Variants in PLEKHA2 observed in about 807,000 individuals in gnomAD.
The protein encoded by PLEKHA2 is pleckstrin homology domain containing A2, also known as pleckstrin homology domain-containing family A member 2.
A neutral mutation model predicts 53.2 loss-of-function variants in PLEKHA2; 28 were observed. The observed-to-expected ratio is 0.53, with a 90% CI of 0.39 to 0.72. The LOEUF is 0.72. Ranked by LOEUF, PLEKHA2 falls within the 30% of genes least tolerant of loss-of-function variation. The pLI, the probability that PLEKHA2 is intolerant of heterozygous loss-of-function variation, is 0.00. For missense variants in PLEKHA2, 426 were observed against 537.9 expected, an observed-to-expected ratio of 0.79 and a Z score of 2.06; for synonymous variants, 193 against 196.4, an observed-to-expected ratio of 0.98 and a Z score of 0.14.
intron 6 of PLEKHA2, among the ~76,000 whole-genome samples, chr8:38,951,391 T>C (rs893549214): frequency 1.3e-5 from 2 of 152,012 alleles, no homozygotes; most frequent in African/African-American, 4.8e-5. Context: ...ATGCTGGTTC[T>C]GTGAAAGTAC....
At chr8:38,946,042 C>G in intron 4 of PLEKHA2, 82 bp from the exon 5 acceptor site, 1 of 1,127,766 alleles carries the variant, frequency 8.9e-7, no homozygotes, top group Non-Finnish European at 1.3e-6. Context: ...CTCCCTCAAA[C>G]ACCTTAGCTT....
At chr8:38,968,735 T>A in intron 11 of PLEKHA2, 66 bp downstream of exon 11, 1 of 1,567,252 alleles carries the variant, frequency 6.4e-7, no homozygotes, top group Non-Finnish European at 8.8e-7. Flanking sequence ...GCAGGCATGT[T>A]TTATTTGGTG....
intron 9 of PLEKHA2, among the ~76,000 whole-genome samples, chr8:38,954,918 C>G (rs1834910524): frequency 6.6e-6 from 1 of 152,040 alleles, no homozygotes; most frequent in African/African-American, 2.4e-5. Flanking sequence ...CCTGTAATCC[C>G]CGCTACTTGG....
chr8:38,968,761 C>G, intron 11 of PLEKHA2, 92 bp downstream of exon 11: 2 of 1,381,072 alleles, frequency 1.4e-6, no homozygotes, highest in Non-Finnish European at 2.1e-6. Flanking sequence ...GGCAAGCAGC[C>G]TGGTCCCGAG....
At chr8:38,962,246 T>A (rs184318790) in intron 10 of PLEKHA2, among the ~76,000 whole-genome samples, 1 of 152,184 alleles carries the variant, frequency 6.6e-6, no homozygotes, top group East Asian at 1.9e-4. Flanking sequence ...CCCAGCACTT[T>A]GGGAGGCCAA....
chr8:38,912,588 T>C (rs1225608011), intron 1 of PLEKHA2, among the ~76,000 whole-genome samples: 1 of 152,000 alleles, frequency 6.6e-6, no homozygotes, highest in East Asian at 1.9e-4. Flanking sequence ...CAGAGAAGAT[T>C]TGGAAGATTA....
chr8:38,940,374 G>T (rs1834582673), intron 3 of PLEKHA2, among the ~76,000 whole-genome samples: 1 of 152,100 alleles, frequency 6.6e-6, no homozygotes, highest in South Asian at 2.1e-4. Flanking sequence ...ACTCCAGCCT[G>T]GGTGACAGAG....
chr8:38,956,417 T>C (rs1588272983), intron 9 of PLEKHA2, among the ~76,000 whole-genome samples: 1 of 152,090 alleles, frequency 6.6e-6, no homozygotes, highest in South Asian at 2.1e-4. Flanking sequence ...CTGAGTGAGG[T>C]TGATGGGGCT....
chr8:38,963,645 A>G (rs1835080799), intron 10 of PLEKHA2, among the ~76,000 whole-genome samples: 2 of 152,204 alleles, frequency 1.3e-5, no homozygotes, highest in Non-Finnish European at 2.9e-5. Context: ...AGGCTGAGGC[A>G]GGAGGATTGC....
At chr8:38,941,299 A>G (rs1377882165) in intron 3 of PLEKHA2, among the ~76,000 whole-genome samples, 2 of 152,230 alleles carry the variant, frequency 1.3e-5, no homozygotes, top group African/African-American at 4.8e-5. Context: ...CAAGTGATCC[A>G]CCGGCTGTGG....
chr8:38,935,566 G>T (rs533710466), intron 2 of PLEKHA2, among the ~76,000 whole-genome samples: 28 of 152,060 alleles, frequency 1.8e-4, no homozygotes, highest in African/African-American at 6.7e-4. Context: ...CTGCAAGTGT[G>T]AGCCTCCATA....
chr8:38,955,396 T>C (rs1314989953), intron 9 of PLEKHA2, among the ~76,000 whole-genome samples: 2 of 152,246 alleles, frequency 1.3e-5, no homozygotes, highest in Admixed American at 6.5e-5. Context: ...TAATCATAGT[T>C]GGTGAAATTT....
In PLEKHA2 at chr8:38,921,571, C is replaced by T. The variant is rs912150331; in HGVS notation, c.141+3501C>T. Among the ~76,000 whole-genome samples, 5 of 152,228 alleles carry T rather than the reference C, an allele frequency of 3.3e-5. No homozygotes were observed. The South Asian group carries it at 6.2e-4, about 19-fold the overall frequency. On this transcript the variant is annotated intron_variant, in intron 2 of 11. Transcript: ENST00000617275. ...GCCCAGAACCTGTGCTAAGCCTGGA[C>T]GCTGTGCCTCGGGCTGCCTTCTAAG...
rs747076973 is a variant in PLEKHA2 at position 38,950,829 on chromosome 8, T to C, written c.346-21T>C. 1.3e-5 allele frequency: 21 copies of C among 1,607,552 alleles called. No individual in the cohort carries two copies. In the South Asian group the frequency reaches 2.3e-4, roughly 18 times the overall value. ...CCTAAATGTTCTGTTCCCCATTGAT[T>C]GTTGCTGCCGCTCACCCCAGGTTCC... is the stretch of plus-strand genomic sequence containing the variant. On this transcript the variant is annotated intron_variant, in intron 5 of 11. Coordinates refer to ENST00000617275, the MANE Select transcript of PLEKHA2 (RefSeq NM_021623.2).
intron 3 of PLEKHA2, among the ~76,000 whole-genome samples, chr8:38,941,215 C>A (rs1031803247): frequency 6.6e-6 from 1 of 152,126 alleles, no homozygotes; most frequent in African/African-American, 2.4e-5. Context: ...TGCCACCACA[C>A]CCGGCTAATT....
chr8:38,942,396 G>A (rs964657508), intron 3 of PLEKHA2, among the ~76,000 whole-genome samples: 2 of 151,952 alleles, frequency 1.3e-5, no homozygotes, highest in Non-Finnish European at 2.9e-5. Flanking sequence ...GAATGAGATG[G>A]GGTCTCATTC....
intron 8 of PLEKHA2, among the ~76,000 whole-genome samples, 162 bp from the exon 9 acceptor site, chr8:38,953,135 C>T (rs1834877679): frequency 6.6e-6 from 1 of 152,104 alleles, no homozygotes; most frequent in African/African-American, 2.4e-5. Flanking sequence ...GCCACTCTGC[C>T]CAGCCAGATT....
At chr8:38,907,823 T>TA (rs2152363936) in intron 1 of PLEKHA2, among the ~76,000 whole-genome samples, 1 of 104,836 alleles carries the variant, frequency 9.5e-6, no homozygotes, top group Non-Finnish European at 2.4e-5. Context: ...TTATTTTATG[T>TA]ATGTATGTAT....
chr8:38,967,941 A>C (rs553683901), intron 10 of PLEKHA2, among the ~76,000 whole-genome samples: 4 of 152,298 alleles, frequency 2.6e-5, no homozygotes, highest in Admixed American at 6.5e-5. Flanking sequence ...GATTACAGGC[A>C]TGAGCCACCA....
Sources: allele counts gnomAD v4.1 joint callset (sites outside exome capture counted in the v4.1 genomes callset), GRCh38; gene constraint gnomAD v4.1.1; transcripts MANE v1.5; gene names NCBI Gene and HGNC (gene_info 2026-07-23, HGNC 2026-07-21).